The following ARHGEF10 variants were observed in gnomAD, a reference collection of about 807,000 sequenced individuals.
ARHGEF10 encodes the protein Rho guanine nucleotide exchange factor (GEF) 10.
ARHGEF10 carries 140 observed loss-of-function variants against 147.4 expected under a neutral mutation model. That is an observed-to-expected ratio of 0.95 (90% CI 0.83 to 1.09). ARHGEF10 has a LOEUF of 1.09. ARHGEF10 is among the 50% of genes least tolerant of loss of function. The pLI is 0.00. For synonymous variants in ARHGEF10, 902 were observed against 695.8 expected (o/e 1.30, Z -4.67); for missense variants, 2,222 against 1,752.7 (o/e 1.27, Z -4.78).
At chr8:1,950,519 ATTATTTATTTATTTAT>A (rs566404844) in intron 27 of ARHGEF10, among the ~76,000 whole-genome samples, 1 of 151,254 alleles carries the variant, frequency 6.6e-6, no homozygotes, top group African/African-American at 2.4e-5. Flanking sequence ...TACCCTTTTT[ATTATTTATTTATTTAT>A]TTATTTATTT....
chr8:1,911,907 C>T (rs35684607), intron 18 of ARHGEF10, among the ~76,000 whole-genome samples: 262 of 152,334 alleles, frequency 1.7e-3, no homozygotes, highest in Non-Finnish European at 2.9e-3. Context: ...GTGTTTGTTT[C>T]TTCCGGTTCT....
At chr8:1,928,337 C>G in intron 23 of ARHGEF10, 90 bp from the exon 24 acceptor site, 1 of 1,182,122 alleles carries the variant, frequency 8.5e-7, no homozygotes, top group Non-Finnish European at 1.3e-6. Context: ...AAAATCGAAG[C>G]TTGTCGTGGC....
chr8:1,957,091 C>G lies in ARHGEF10; in HGVS notation c.3863C>G (p.Pro1288Arg), dbSNP rs1585686751. Reference sequence around the variant, plus strand: ...ACCATCTATGATCTCCTGAAGGATCCTGTCTCGCTGAGAAGCAAAGCACGC... The same window carrying G: ...ACCATCTATGATCTCCTGAAGGATCGTGTCTCGCTGAGAAGCAAAGCACGC... ...DSTIYDLLKD[P>R]VSLRSKARRA... is the part of the protein sequence containing the mutation. The change falls in exon 29 of 29, where the codon CCT (proline) becomes CGT (arginine). Residue 1288 changes from proline to arginine, a missense_variant. Transcript: ENST00000349830. 1.2e-6 allele frequency: 2 copies of G among 1,613,418 alleles called. No individual in the cohort carries two copies. The highest frequency in any genetic ancestry group is 1.6e-4 in the Middle Eastern group (1 of 6,062).
chr8:1,946,453 C>T (rs1053245032), intron 27 of ARHGEF10, among the ~76,000 whole-genome samples: 4 of 152,162 alleles, frequency 2.6e-5, no homozygotes, highest in African/African-American at 4.8e-5. Flanking sequence ...CCTGCAGGGC[C>T]GGTTTCTGGG....
chr8:1,869,402 A>T lies in ARHGEF10; in HGVS notation c.679+152A>T, dbSNP rs1184940254. The T allele has an allele frequency of 6.8e-6, 5 of 740,644 alleles. No individual in the cohort carries two copies. In the African/African-American group the frequency reaches 8.6e-5, roughly 13 times the overall value. The allele number at this position is 740,644 out of a possible 1,614,324, so 45.9% of individuals were successfully genotyped here. A position where few individuals can be genotyped will look rare whatever the true frequency, so the allele number is the denominator to read the frequency against. On this transcript the variant is annotated intron_variant, in intron 7 of 28. Transcript: ENST00000349830. ...GAATGGCTTATTGATGTGTGGTGGA[A>T]TATTGGTGTTTGTGCACATATGTGT... is the stretch of plus-strand genomic sequence containing the variant.
At chr8:1,892,700 TG>T (rs11294728) in intron 11 of ARHGEF10, among the ~76,000 whole-genome samples, 151,968 of 151,980 alleles carry the variant, frequency 1, 75,978 homozygotes, top group Middle Eastern at 1. Context: ...ATATATGGGG[TG>T]GGTGTGTACA....
chr8:1,923,487 C>T lies in ARHGEF10; in HGVS notation c.2279C>T (p.Ala760Val), dbSNP rs1319180464. The T allele has an allele frequency of 6.2e-7, 1 of 1,613,918 alleles. No individual in the cohort carries two copies. Among genetic ancestry groups the T allele is most frequent in the African/African-American group, 1.3e-5 (1 of 74,898 alleles). ...GNYQNLNQSVAHDWTSGLQRL... is the reference protein window; with the variant it reads ...GNYQNLNQSVVHDWTSGLQRL... Reference sequence around the variant, plus strand: ...TTGTAGAACTTAAACCAGTCAGTAGCCCATGACTGGACATCAGGTTTACAA... The same window carrying T: ...TTGTAGAACTTAAACCAGTCAGTAGTCCATGACTGGACATCAGGTTTACAA... Residue 760 changes from alanine to valine, a missense_variant, in exon 20 of 29, where the codon GCC becomes GTC. Coordinates refer to ENST00000349830, the MANE Select transcript of ARHGEF10 (RefSeq NM_014629.4).
chr8:1,887,278 A>C (rs755078030), intron 11 of ARHGEF10, among the ~76,000 whole-genome samples: 4 of 152,274 alleles, frequency 2.6e-5, no homozygotes, highest in Non-Finnish European at 1.5e-5. Flanking sequence ...AACAGGAATC[A>C]TAACAGGAGT....
At chr8:1,933,605 C>G (rs1434693962) in intron 25 of ARHGEF10, among the ~76,000 whole-genome samples, 195 bp from the exon 26 acceptor site, 1 of 152,028 alleles carries the variant, frequency 6.6e-6, no homozygotes, top group African/African-American at 2.4e-5. Flanking sequence ...GTCTGTGCTT[C>G]CCGACTGTGC....
rs368344841 is a variant in ARHGEF10 at position 1,888,325 on chromosome 8, A to C, written c.1182+2618A>C. On this transcript the variant is annotated intron_variant, in intron 11 of 28. Transcript: ENST00000349830. ...GGTTTGTGAGGATATGCTGAGTGGG[A>C]TGTTGACTGTGAGGAGACACTGAGT... Among the ~76,000 whole-genome samples the C allele has an allele frequency of 4.8e-4, 21 of 43,872 alleles. 3 individuals are homozygous for C. Among genetic ancestry groups the C allele is most frequent in the East Asian group, 2.3e-3 (2 of 856 alleles). The allele number at this position is 43,872 out of a possible 152,430, so 28.8% of individuals were successfully genotyped here. A position where few individuals can be genotyped will look rare whatever the true frequency, so the allele number is the denominator to read the frequency against.
rs565583085 is a variant in ARHGEF10 at position 1,855,772 on chromosome 8, A to AT, written c.38-2182dup. ...GCAGCACGTTTATTTGGCAAACATG[A>AT]TTTTTTCTCCCCAAACGTGAATTCT... On this transcript the variant is annotated intron_variant, in intron 2 of 28. Coordinates refer to ENST00000349830, the MANE Select transcript of ARHGEF10 (RefSeq NM_014629.4). Among the ~76,000 whole-genome samples the AT allele has an allele frequency of 2.6e-5, 4 of 152,054 alleles. No homozygotes were observed. In the East Asian group the frequency reaches 7.7e-4, roughly 29 times the overall value.
chr8:1,925,234 A>G (rs774573007), intron 21 of ARHGEF10, 49 bp from the exon 22 acceptor site: 2 of 1,613,378 alleles, frequency 1.2e-6, no homozygotes, highest in Non-Finnish European at 1.7e-6. Flanking sequence ...AGGTCTTTGC[A>G]TGTGAGTTAA....
At chr8:1,923,260 A>G (rs895382768) in intron 19 of ARHGEF10, 181 bp downstream of exon 19, 2 of 908,164 alleles carry the variant, frequency 2.2e-6, no homozygotes, top group African/African-American at 3.4e-5. Context: ...ACTTTTCTTC[A>G]TTTTGCAAAT....
chr8:1,857,908 A>G (rs1805692226), intron 2 of ARHGEF10, 52 bp from the exon 3 acceptor site: 20 of 1,335,460 alleles, frequency 1.5e-5, no homozygotes, highest in Middle Eastern at 1.8e-4. Context: ...CTATCTATCT[A>G]TCTATCTATC....
chr8:1,857,878 CGA>C, intron 2 of ARHGEF10, 80 bp from the exon 3 acceptor site: 1 of 884,054 alleles, frequency 1.1e-6, no homozygotes, highest in Non-Finnish European at 1.6e-6. Flanking sequence ...ATAGATCGAT[CGA>C]TCTATCTATC....
intron 11 of ARHGEF10, among the ~76,000 whole-genome samples, chr8:1,891,339 T>G (rs1477951134): frequency 6.6e-6 from 1 of 152,256 alleles, no homozygotes; most frequent in Non-Finnish European, 1.5e-5. Flanking sequence ...TGTTCTCCTC[T>G]AGAATTGAAT....
chr8:1,886,706 G>A (rs1294634732), intron 11 of ARHGEF10, among the ~76,000 whole-genome samples: 1 of 152,182 alleles, frequency 6.6e-6, no homozygotes, highest in Admixed American at 6.5e-5. Flanking sequence ...CCGGTCCCTG[G>A]TGTGTTTCAC....
intron 6 of ARHGEF10, 124 bp downstream of exon 6, chr8:1,866,726 C>T (rs1441252449): frequency 1.0e-6 from 1 of 980,780 alleles, no homozygotes; most frequent in Non-Finnish European, 1.6e-6. Flanking sequence ...TGTTTATTTA[C>T]TGAAAATAGT....
chr8:1,862,011 C>G (rs1336150034), intron 4 of ARHGEF10, among the ~76,000 whole-genome samples: 2 of 152,090 alleles, frequency 1.3e-5, no homozygotes, highest in Non-Finnish European at 2.9e-5. Context: ...AGTAATAAAG[C>G]CTTGTTCTAA....
Sources: allele counts gnomAD v4.1 joint callset (sites outside exome capture counted in the v4.1 genomes callset), GRCh38; gene constraint gnomAD v4.1.1; transcripts MANE v1.5; gene names NCBI Gene and HGNC (gene_info 2026-07-23, HGNC 2026-07-21).